PLXNB1: variants seen among roughly 807,000 people sequenced by gnomAD.
PLXNB1 encodes the protein plexin B1, also known as plexin-B1.
A neutral mutation model predicts 209.4 loss-of-function variants in PLXNB1; 106 were observed. The ratio of observed to expected loss-of-function variants is 0.51; its 90% confidence interval spans 0.43 to 0.59. PLXNB1 has a LOEUF of 0.59. Ranked by LOEUF, PLXNB1 falls within the 20% of genes least tolerant of loss-of-function variation. The pLI is 0.00. For missense variants in PLXNB1, 2,357 were observed against 2,853.2 expected (o/e 0.83, Z 3.96); for synonymous variants, 1,167 against 1,183.2 (o/e 0.99, Z 0.28).
At chr3:48,414,139 G>T in intron 21 of PLXNB1, 68 bp from the exon 22 acceptor site, 1 of 1,521,464 alleles carries the variant, frequency 6.6e-7, no homozygotes, top group African/African-American at 1.4e-5. Flanking sequence ...CCCAAATGTG[G>T]GAAGGACCCT....
In PLXNB1 at chr3:48,423,762, A is replaced by T. The variant is rs770066521; in HGVS notation, c.850T>A (p.Ser284Thr). ...ACCTCCCCATGCGCCACCTCCCTGG[A>T]CGTGGCCACAGCTGCAGCCTGGATC... ...GLIQAAAVAT[S>T]REVAHGEVLF... Residue 284 changes from serine to threonine, a missense_variant, in exon 3 of 38, where the codon TCC (serine) becomes ACC (threonine). Physicochemically the swap from Ser to Thr is moderately conservative, Grantham distance 58 (BLOSUM62 1). Transcript: ENST00000296440. 7 of 1,613,838 alleles carry T rather than the reference A, an allele frequency of 4.3e-6. No individual in the cohort carries two copies. Among genetic ancestry groups the T allele is most frequent in the Non-Finnish European group, 5.9e-6 (7 of 1,179,984 alleles).
At chr3:48,427,913 G>C (rs894490443) in intron 1 of PLXNB1, among the ~76,000 whole-genome samples, 1 of 152,204 alleles carries the variant, frequency 6.6e-6, no homozygotes, top group Non-Finnish European at 1.5e-5. Context: ...TTTCCTAGTT[G>C]TACAATGGGA....
At position 48,406,576 on chromosome 3, in the gene PLXNB1, A is replaced by G; in HGVS notation, c.6228+247T>C. 7.5e-7 allele frequency: 1 copy of G among 1,335,660 alleles called. No individual in the cohort carries two copies. Among genetic ancestry groups the G allele is most frequent in the Non-Finnish European group, 9.6e-7 (1 of 1,044,696 alleles). 82.7% of individuals were successfully genotyped at this position (1,335,660 alleles called of 1,614,324 possible). On this transcript the variant is annotated intron_variant, in intron 36 of 37. Coordinates refer to ENST00000296440, the MANE Select transcript of PLXNB1 (RefSeq NM_001130082.3). The surrounding 1 kb of genome is among the most constrained non-coding windows in gnomAD (Gnocchi z 4.4). Reference sequence around the variant, plus strand: ...GGCTGAATCCCAGCTACCTTGCAAGAGCCTGGCTGAATCAGGGTACATGGC... The same window carrying G: ...GGCTGAATCCCAGCTACCTTGCAAGGGCCTGGCTGAATCAGGGTACATGGC...
Position 48,411,956 on chromosome 3 carries a change from C to T in PLXNB1, c.5154G>A (p.Val1718=). The part of the protein sequence containing the change: ...YMLFRGIKHQ[V]DKGPVDSVTG... ...TCACACTGTCCACTGGCCCCTTATC[C>T]ACTTGGTGCTTAATCCCTCGAAAGA... Residue 1718 remains valine (V), a synonymous_variant, in exon 28 of 38, where the codon GTG becomes GTA. Transcript: ENST00000296440. This position sits in a 1 kb window ranked among gnomAD's most constrained non-coding sequence, Gnocchi z 4.0. 6.2e-7 allele frequency: 1 copy of T among 1,614,152 alleles called. No individual in the cohort carries two copies. Among genetic ancestry groups the T allele is most frequent in the African/African-American group, 1.3e-5 (1 of 75,048 alleles).
chr3:48,421,973 G>A, intron 6 of PLXNB1, 132 bp downstream of exon 6: 1 of 1,305,284 alleles, frequency 7.7e-7, no homozygotes, highest in Non-Finnish European at 1.1e-6. Context: ...AGAGGATGGG[G>A]GTGAGGAATT....
At chr3:48,423,423 A>T in intron 3 of PLXNB1, 82 bp downstream of exon 3, 1 of 1,474,458 alleles carries the variant, frequency 6.8e-7, no homozygotes. Context: ...CTGCCCTCGG[A>T]CTCTCTGGGC....
chr3:48,423,022 A>C (rs1420469885), intron 3 of PLXNB1, 75 bp from the exon 4 acceptor site: 15 of 1,342,660 alleles, frequency 1.1e-5, no homozygotes, highest in Non-Finnish European at 1.2e-5. Flanking sequence ...GGACAACCTC[A>C]TTCCCTCCCC....
At position 48,409,769 on chromosome 3, in the gene PLXNB1, A is replaced by C. The variant is rs2037543844; in HGVS notation, c.5779-38T>G. ...AGAAGCAGAGAGGTGTGGTCAGCAA[A>C]GGGCCCTCAGCAGCAGCCCAGCCTC... On this transcript the variant is annotated intron_variant, in intron 32 of 37. Transcript: ENST00000296440. The surrounding 1 kb of genome is among the most constrained non-coding windows in gnomAD (Gnocchi z 5.8). 2 of 1,603,812 alleles carry C rather than the reference A, an allele frequency of 1.2e-6. No homozygotes were observed. Among genetic ancestry groups the C allele is most frequent in the Non-Finnish European group, 1.7e-6 (2 of 1,174,038 alleles).
intron 2 of PLXNB1, 86 bp from the exon 3 acceptor site, chr3:48,424,703 T>C: frequency 1.5e-6 from 2 of 1,366,588 alleles, no homozygotes; most frequent in Non-Finnish European, 2.0e-6. Flanking sequence ...GACTGTGGCA[T>C]TGCCAAGATG....
chr3:48,414,018 C>T lies in PLXNB1; in HGVS notation c.4263G>A (p.Gly1421=). Residue 1421 remains glycine (G), a synonymous_variant, in exon 22 of 38, where the codon GGG becomes GGA. Transcript: ENST00000296440. ...GCGTCTTCACCACACAGGGGCCATC[C>T]CCTATCATAGCCACCACCTCCTCCT... is the stretch of plus-strand genomic sequence containing the variant. The part of the protein sequence containing the change: ...MSKEEVVAMI[G]DGPCVVKTLT... The T allele has an allele frequency of 6.2e-7, 1 of 1,614,002 alleles. No homozygotes were observed. The highest frequency in any genetic ancestry group is 8.5e-7 in the Non-Finnish European group (1 of 1,179,980).
At position 48,416,311 on chromosome 3, in the gene PLXNB1, C is replaced by T. The variant is rs1237581792; in HGVS notation, c.3480+35G>A. On this transcript the variant is annotated intron_variant, in intron 17 of 37. Transcript: ENST00000296440. This position sits in a 1 kb window ranked among gnomAD's most constrained non-coding sequence, Gnocchi z 4.1. Reference sequence around the variant, plus strand: ...AGAGGAGCCACCAGAGAGGTTGGCCCGCTGGCAGCTGGGGGTGGCTCAGCA... The same window carrying T: ...AGAGGAGCCACCAGAGAGGTTGGCCTGCTGGCAGCTGGGGGTGGCTCAGCA... 29 of 1,576,360 alleles carry T rather than the reference C, an allele frequency of 1.8e-5. No homozygotes were observed. The highest frequency in any genetic ancestry group is 3.4e-5 in the South Asian group (3 of 89,162).
chr3:48,419,826 A>AG lies in PLXNB1; in HGVS notation c.2459dup (p.Ala821CysfsTer39). ...GGAAAGTGGTGGCAGGAACAGTGGC[A>AG]GGGGGCAGGTCCAGGGGCACTGTGG... is the stretch of plus-strand genomic sequence containing the variant. On this transcript the variant is annotated frameshift_variant, in exon 11 of 38. Coordinates refer to ENST00000296440, the MANE Select transcript of PLXNB1 (RefSeq NM_001130082.3). LOFTEE classifies it high-confidence loss of function. The surrounding 1 kb of genome is among the most constrained non-coding windows in gnomAD (Gnocchi z 5.7). 2 of 1,582,506 alleles carry AG rather than the reference A, an allele frequency of 1.3e-6. No individual in the cohort carries two copies. Among genetic ancestry groups the AG allele is most frequent in the Non-Finnish European group, 8.6e-7 (1 of 1,163,018 alleles).
Position 48,418,511 on chromosome 3 carries a change from C to A in PLXNB1, c.2987G>T (p.Arg996Leu). 1 of 1,609,354 alleles carries A rather than the reference C, an allele frequency of 6.2e-7. No individual in the cohort carries two copies. Among genetic ancestry groups the A allele is most frequent in the Non-Finnish European group, 8.5e-7 (1 of 1,178,220 alleles). ...LSYEALQPEL[R>L]VGLFLRRAGR... ...GGCCCGACGCAGAAACAGCCCCACA[C>A]GGAGCTCCGGCTGCAGAGCCTCATA... The change falls in exon 14 of 38, where the codon CGT becomes CTT. Residue 996 changes from arginine to leucine, a missense_variant. Arg to Leu is a moderately radical substitution (Grantham distance 102). Transcript: ENST00000296440. The surrounding 1 kb of genome is among the most constrained non-coding windows in gnomAD (Gnocchi z 6.6).
At position 48,413,249 on chromosome 3, in the gene PLXNB1, C is replaced by A. The variant is rs1194571550; in HGVS notation, c.4536-80G>T. 2 of 1,124,222 alleles carry A rather than the reference C, an allele frequency of 1.8e-6. No homozygotes were observed. The highest frequency in any genetic ancestry group is 1.3e-6 in the Non-Finnish European group (1 of 748,826). 69.6% of individuals were successfully genotyped at this position (1,124,222 alleles called of 1,614,324 possible). ...CCTGCCTGACAATCCCCAGGCACAC[C>A]CCGGCCTCATCCAGCACAGTCCAAT... On this transcript the variant is annotated intron_variant, in intron 23 of 37. Transcript: ENST00000296440. The surrounding 1 kb of genome is among the most constrained non-coding windows in gnomAD (Gnocchi z 5.4).
At position 48,413,118 on chromosome 3, in the gene PLXNB1, CA is replaced by C; in HGVS notation, c.4586del (p.Leu1529ArgfsTer20). ...LRDYKKVQIQ[L>X]ENLESSVRDR... is the part of the protein sequence containing the mutation. ...CCCGCACACTGCTCTCCAGATTCTC[CA>C]GCTGGATCTGAACCTTCTTATAGTC... On this transcript the variant is annotated frameshift_variant, in exon 24 of 38. Coordinates refer to ENST00000296440, the MANE Select transcript of PLXNB1 (RefSeq NM_001130082.3). LOFTEE classifies it high-confidence loss of function. The surrounding 1 kb of genome is among the most constrained non-coding windows in gnomAD (Gnocchi z 5.4). The C allele has an allele frequency of 6.2e-7, 1 of 1,613,908 alleles. No individual in the cohort carries two copies. Among genetic ancestry groups the C allele is most frequent in the South Asian group, 1.1e-5 (1 of 91,084 alleles).
chr3:48,420,964 G>T lies in PLXNB1; in HGVS notation c.1811-8C>A. On this transcript the variant is annotated splice_region_variant and splice_polypyrimidine_tract_variant and intron_variant, in intron 8 of 37. Coordinates refer to ENST00000296440, the MANE Select transcript of PLXNB1 (RefSeq NM_001130082.3). The stretch of plus-strand genomic sequence containing the variant: ...CGCTCACGGATACGTAGTCTGCAGA[G>T]GGGGAGAGAGGGCCAGGGTTAAGCA... 1 of 1,605,028 alleles carries T rather than the reference G, an allele frequency of 6.2e-7. No homozygotes were observed. Among genetic ancestry groups the T allele is most frequent in the South Asian group, 1.1e-5 (1 of 90,800 alleles).
In PLXNB1 at chr3:48,422,196, C is replaced by A. The variant is rs368320033; in HGVS notation, c.1429G>T (p.Val477Phe). ...YVMTQSTLLKVPVASCAQHLD... is the reference protein window; with the variant it reads ...YVMTQSTLLKFPVASCAQHLD... Reference sequence around the variant, plus strand: ...TGCTGAGCACAGGAAGCCACAGGAACCTTCAGAAGCTGAGACAGCAAAGAG... The same window carrying A: ...TGCTGAGCACAGGAAGCCACAGGAAACTTCAGAAGCTGAGACAGCAAAGAG... The change falls in exon 6 of 38, where the codon GTT becomes TTT. Residue 477 changes from valine to phenylalanine, a missense_variant. By Grantham distance (50) the Val-to-Phe change is conservative. Around this residue, in one of 7 missense-constraint regions of PLXNB1, gnomAD observed 214 missense variants for 297.1 expected, o/e 0.72. Transcript: ENST00000296440. 1.7e-5 allele frequency: 28 copies of A among 1,613,926 alleles called. No individual in the cohort carries two copies. The highest frequency in any genetic ancestry group is 6.7e-5 in the Admixed American group (4 of 60,006).
chr3:48,410,017 G>A lies in PLXNB1; in HGVS notation c.5666C>T (p.Pro1889Leu). 6.2e-7 allele frequency: 1 copy of A among 1,612,300 alleles called. No individual in the cohort carries two copies. Among genetic ancestry groups the A allele is most frequent in the Non-Finnish European group, 8.5e-7 (1 of 1,179,202 alleles). Reference protein sequence around the residue: ...GGIRPWHLVKPSDEPEPPRPR... With the variant: ...GGIRPWHLVKLSDEPEPPRPR... ...CCTGGGCGGCTCCGGCTCATCACTT[G>A]GCTTCACCAGGTGCCAGGGCCGGAT... Residue 1889 changes from proline (P) to leucine (L), a missense_variant, in exon 32 of 38, where the codon CCA becomes CTA. By Grantham distance (98) the Pro-to-Leu change is moderately conservative. Around this residue, in one of 7 missense-constraint regions of PLXNB1, gnomAD observed 414 missense variants for 520.5 expected, o/e 0.80. Transcript: ENST00000296440. This position sits in a 1 kb window ranked among gnomAD's most constrained non-coding sequence, Gnocchi z 6.4.
rs770663600 is a variant in PLXNB1 at position 48,422,791 on chromosome 3, C to T, written c.1264G>A (p.Gly422Ser). 8 of 1,614,056 alleles carry T rather than the reference C, an allele frequency of 5.0e-6. No individual in the cohort carries two copies. Among genetic ancestry groups the T allele is most frequent in the Non-Finnish European group, 2.5e-6 (3 of 1,179,940 alleles). The part of the protein sequence containing the change: ...MEDGHTIAFL[G>S]DSQGQLHRVY... ...CTGTGCAGCTGCCCTTGACTATCAC[C>T]CAGGAAAGCGATGGTGTGTCCATCT... The change falls in exon 4 of 38, where the codon GGT becomes AGT. Residue 422 changes from glycine to serine, a missense_variant. By Grantham distance (56) the Gly-to-Ser change is moderately conservative. Transcript: ENST00000296440.
Sources: allele counts gnomAD v4.1 joint callset (sites outside exome capture counted in the v4.1 genomes callset), GRCh38; gene constraint gnomAD v4.1.1; regional missense constraint gnomAD v4.1.1; non-coding constraint Gnocchi (gnomAD v3.1); transcripts MANE v1.5; gene names NCBI Gene and HGNC (gene_info 2026-07-23, HGNC 2026-07-21).